The following WWOX variants were observed in gnomAD, a reference collection of about 807,000 sequenced individuals.
The protein encoded by WWOX is WW domain-containing oxidoreductase.
Under a neutral mutation model 46.2 loss-of-function variants are expected in WWOX, and 69 were observed. The ratio of observed to expected loss-of-function variants is 1.49; its 90% CI spans 1.23 to 1.82. The LOEUF (loss-of-function observed/expected upper bound fraction) is 1.82. Among genes scored for constraint, WWOX ranks in the 40% most tolerant of loss-of-function variants. The pLI, the probability that WWOX is intolerant of heterozygous loss-of-function variation, is 0.00. For missense variants in WWOX, 919 were observed against 542.6 expected, an observed-to-expected ratio of 1.69 and a Z score of -6.89; for synonymous variants, 359 against 202.6, an observed-to-expected ratio of 1.77 and a Z score of -6.56.
intron 8 of WWOX, among the ~76,000 whole-genome samples, chr16:78,809,312 G>GAA (rs371661365): frequency 7.2e-4 from 53 of 73,856 alleles, no homozygotes; most frequent in Middle Eastern, 0.01. Context: ...TAGAGATCTT[G>GAA]AAAAAAAAAA....
In WWOX at chr16:78,702,128, T is replaced by A. The variant is rs184433098; in HGVS notation, c.1056+269376T>A. 3.0e-3 allele frequency among the ~76,000 whole-genome samples: 284 copies of A among 95,262 alleles called. 5 individuals are homozygous for A. The highest frequency in any genetic ancestry group is 0.029 in the Middle Eastern group (6 of 210). The allele number at this position is 95,262 out of a possible 152,430, so 62.5% of individuals were successfully genotyped here. On this transcript the variant is annotated intron_variant, in intron 8 of 8. Coordinates refer to ENST00000566780, the MANE Select transcript of WWOX (RefSeq NM_016373.4). ...TATATATATATATATATATATTTATTTATTTTCAAGACATGGTGGCATGCA... is the reference window on the plus strand; with the variant it reads ...TATATATATATATATATATATTTATATATTTTCAAGACATGGTGGCATGCA...
chr16:79,078,911 C>A (rs970295607), intron 8 of WWOX, among the ~76,000 whole-genome samples: 2 of 152,158 alleles, frequency 1.3e-5, no homozygotes, highest in Non-Finnish European at 2.9e-5. Flanking sequence ...TCCTTTATTT[C>A]CCTGTTAGGC....
At chr16:78,689,613 C>T (rs1338979805) in intron 8 of WWOX, among the ~76,000 whole-genome samples, 1 of 152,138 alleles carries the variant, frequency 6.6e-6, no homozygotes, top group Non-Finnish European at 1.5e-5. Context: ...CAGCAAAAAT[C>T]CTGCTAACTT....
chr16:78,601,448 A>AT (rs1191703437), intron 8 of WWOX, among the ~76,000 whole-genome samples: 2 of 151,394 alleles, frequency 1.3e-5, no homozygotes, highest in Non-Finnish European at 2.9e-5. Flanking sequence ...AGAGAAAAAA[A>AT]AAAAAGAAAG....
intron 4 of WWOX, among the ~76,000 whole-genome samples, chr16:78,132,914 G>A (rs1302428797): frequency 6.6e-6 from 1 of 152,164 alleles, no homozygotes; most frequent in Non-Finnish European, 1.5e-5. Flanking sequence ...CAGCTGCAAA[G>A]CACAGTATTT....
intron 5 of WWOX, among the ~76,000 whole-genome samples, chr16:78,172,540 T>C (rs1028658055): frequency 6.6e-6 from 1 of 152,176 alleles, no homozygotes; most frequent in Non-Finnish European, 1.5e-5. Flanking sequence ...TGCACCGACT[T>C]AGTCTTGAAT....
chr16:79,021,224 C>T (rs890559071), intron 8 of WWOX, among the ~76,000 whole-genome samples: 21 of 152,160 alleles, frequency 1.4e-4, no homozygotes, highest in African/African-American at 5.1e-4. Flanking sequence ...GTTTTTCAGT[C>T]ACTTTGCCTT....
At chr16:78,634,776 T>C (rs1035514533) in intron 8 of WWOX, among the ~76,000 whole-genome samples, 1 of 146,720 alleles carries the variant, frequency 6.8e-6, no homozygotes, top group African/African-American at 2.6e-5. Flanking sequence ...GGAATGAAGC[T>C]GAGGGCCAAT....
chr16:78,325,631 C>T (rs999526283), intron 5 of WWOX, among the ~76,000 whole-genome samples: 5 of 152,280 alleles, frequency 3.3e-5, no homozygotes, highest in East Asian at 3.9e-4. Context: ...AGGAGGTCAA[C>T]CCGGCCTTCT....
chr16:79,169,931 A>G (rs932664282), intron 8 of WWOX, among the ~76,000 whole-genome samples: 4 of 152,190 alleles, frequency 2.6e-5, no homozygotes, highest in African/African-American at 9.7e-5. Context: ...GTTGATGGCC[A>G]TGCACAGTGG....
At chr16:78,865,295 A>G (rs2043979818) in intron 8 of WWOX, among the ~76,000 whole-genome samples, 1 of 151,932 alleles carries the variant, frequency 6.6e-6, no homozygotes, top group South Asian at 2.1e-4. Context: ...ATTCCTTGCC[A>G]ATCTCATAAA....
chr16:78,368,957 C>G (rs543488740), intron 5 of WWOX, among the ~76,000 whole-genome samples: 1 of 152,278 alleles, frequency 6.6e-6, no homozygotes, highest in African/African-American at 2.4e-5. Flanking sequence ...TCATAGACTT[C>G]CTGTCTGCCT....
At chr16:78,844,888 T>A (rs1275162710) in intron 8 of WWOX, among the ~76,000 whole-genome samples, 1 of 152,170 alleles carries the variant, frequency 6.6e-6, no homozygotes, top group Non-Finnish European at 1.5e-5. Flanking sequence ...TACACCAAAG[T>A]GGCCAGAGCT....
chr16:78,269,118 AATATTC>A (rs1712266715), intron 5 of WWOX: 1 of 152,214 alleles, frequency 6.6e-6, no homozygotes, highest in South Asian at 2.1e-4. Flanking sequence ...AGAGCTGTGT[AATATTC>A]CACAACCCAG....
At chr16:78,746,945 A>G (rs866355883) in intron 8 of WWOX, among the ~76,000 whole-genome samples, 4 of 152,042 alleles carry the variant, frequency 2.6e-5, no homozygotes, top group Admixed American at 6.6e-5. Context: ...GTGGCTTCCT[A>G]TACCATTTAG....
At chr16:78,232,090 A>G (rs1274128875) in intron 5 of WWOX, among the ~76,000 whole-genome samples, 1 of 152,198 alleles carries the variant, frequency 6.6e-6, no homozygotes, top group African/African-American at 2.4e-5. Flanking sequence ...ATATATATAA[A>G]ATGGTAGAAA....
At chr16:78,928,985 G>A (rs891628387) in intron 8 of WWOX, among the ~76,000 whole-genome samples, 6 of 152,128 alleles carry the variant, frequency 3.9e-5, no homozygotes, top group African/African-American at 1.4e-4. Flanking sequence ...GCATATAAAT[G>A]TACATTTCTG....
chr16:78,906,453 C>T (rs571591754), intron 8 of WWOX, among the ~76,000 whole-genome samples: 1 of 152,160 alleles, frequency 6.6e-6, no homozygotes, highest in Non-Finnish European at 1.5e-5. Flanking sequence ...TTCCCAGGAG[C>T]CCTGTCATCA....
chr16:78,436,631 C>G (rs1221913282), intron 8 of WWOX, among the ~76,000 whole-genome samples: 1 of 152,182 alleles, frequency 6.6e-6, no homozygotes, highest in Non-Finnish European at 1.5e-5. Context: ...TAATACGTCA[C>G]TTCATGCAGA....
Sources: allele counts gnomAD v4.1 joint callset (sites outside exome capture counted in the v4.1 genomes callset), GRCh38; gene constraint gnomAD v4.1.1; transcripts MANE v1.5; gene names NCBI Gene and HGNC (gene_info 2026-07-23, HGNC 2026-07-21).